Variants in CDH4 observed in about 807,000 individuals in gnomAD.
The protein encoded by CDH4 is cadherin 4.
In CDH4, 33 loss-of-function variants were observed where a neutral mutation model predicts 86.0. The observed-to-expected ratio is 0.38, with a 90% CI of 0.29 to 0.51. The LOEUF (loss-of-function observed/expected upper bound fraction) is 0.51, where lower values mean the gene tolerates loss of function less well. Among genes scored for constraint, CDH4 ranks in the 20% least tolerant of loss-of-function variants. The probability of loss-of-function intolerance (pLI) is 0.86; values close to 1 mark genes in which losing one functional copy is unlikely to be tolerated. For missense variants in CDH4, 1,114 were observed against 1,307.4 expected, an observed-to-expected ratio of 0.85 and a Z score of 2.28; for synonymous variants, 555 against 549.4, an observed-to-expected ratio of 1.01 and a Z score of -0.14.
At chr20:61,359,899 G>A (rs145358653) in intron 2 of CDH4, among the ~76,000 whole-genome samples, 1,570 of 152,306 alleles carry the variant, frequency 0.01, 19 homozygotes, top group Admixed American at 0.02. Context: ...GGCAACAGAT[G>A]AAACAAATCT....
chr20:61,337,742 A>G (rs1600879308), intron 2 of CDH4, among the ~76,000 whole-genome samples: 1 of 152,102 alleles, frequency 6.6e-6, no homozygotes, highest in East Asian at 1.9e-4. Flanking sequence ...ATAATCTGTA[A>G]GATTTCTATT....
intron 7 of CDH4, among the ~76,000 whole-genome samples, chr20:61,876,332 C>A (rs978855522): frequency 1.3e-5 from 2 of 152,250 alleles, no homozygotes; most frequent in Admixed American, 6.5e-5. Context: ...TGGGGCCTCG[C>A]CGTCCAGTCC....
At chr20:61,595,275 G>A (rs897925349) in intron 2 of CDH4, among the ~76,000 whole-genome samples, 3 of 152,228 alleles carry the variant, frequency 2.0e-5, no homozygotes, top group Non-Finnish European at 4.4e-5. Flanking sequence ...ACCTGTGGGC[G>A]GGAAGGACGT....
intron 8 of CDH4, among the ~76,000 whole-genome samples, chr20:61,909,988 G>A (rs780789863): frequency 2.6e-4 from 39 of 152,390 alleles, no homozygotes; most frequent in Non-Finnish European, 5.1e-4. Context: ...CACCTGCCGG[G>A]CAGGTCTGCA....
intron 2 of CDH4, among the ~76,000 whole-genome samples, chr20:61,281,012 T>C (rs2084255702): frequency 6.6e-6 from 1 of 152,332 alleles, no homozygotes; most frequent in African/African-American, 2.4e-5. Flanking sequence ...GTTTCCCATT[T>C]AAGTTATGAG....
chr20:61,586,676 G>C (rs2086478463), intron 2 of CDH4, among the ~76,000 whole-genome samples: 1 of 152,124 alleles, frequency 6.6e-6, no homozygotes, highest in African/African-American at 2.4e-5. Flanking sequence ...ACTTTACCAG[G>C]GTTGCTCAGC....
chr20:61,698,293 G>A (rs779075688), intron 2 of CDH4, among the ~76,000 whole-genome samples: 2 of 152,222 alleles, frequency 1.3e-5, no homozygotes, highest in Admixed American at 6.5e-5. Flanking sequence ...CCCCAGATCC[G>A]TCCTGCTGGT....
chr20:61,798,472 G>A (rs1356857530), intron 4 of CDH4, among the ~76,000 whole-genome samples: 1 of 152,192 alleles, frequency 6.6e-6, no homozygotes, highest in Non-Finnish European at 1.5e-5. Context: ...CGTGGCCCCG[G>A]GGTGCATCGC....
At chr20:61,871,640 G>C (rs1444519635) in intron 6 of CDH4, among the ~76,000 whole-genome samples, 1 of 152,134 alleles carries the variant, frequency 6.6e-6, no homozygotes, top group African/African-American at 2.4e-5. Context: ...AGGGGAGTAT[G>C]GTTGGGACCA....
chr20:61,371,432 T>C (rs1270557187), intron 2 of CDH4, among the ~76,000 whole-genome samples: 1 of 152,204 alleles, frequency 6.6e-6, no homozygotes, highest in East Asian at 1.9e-4. Flanking sequence ...AGGTAAGAAG[T>C]GTCAGACGCT....
intron 4 of CDH4, among the ~76,000 whole-genome samples, chr20:61,830,133 T>C (rs1037868077): frequency 2.4e-5 from 3 of 122,516 alleles, no homozygotes; most frequent in Non-Finnish European, 3.3e-5. Context: ...CCCGTTCATG[T>C]GACCCAGATC....
chr20:61,907,519 C>A (rs2054803456), intron 8 of CDH4, among the ~76,000 whole-genome samples: 3 of 152,212 alleles, frequency 2.0e-5, no homozygotes, highest in Admixed American at 2.0e-4. Flanking sequence ...CCCCTGCTAT[C>A]CCCCAGTAGG....
intron 9 of CDH4, among the ~76,000 whole-genome samples, chr20:61,918,630 G>A (rs2054931409): frequency 6.6e-6 from 1 of 152,112 alleles, no homozygotes; most frequent in African/African-American, 2.4e-5. Context: ...TCCTTCAGAG[G>A]GACAAGGAGA....
chr20:61,887,914 C>T (rs1309992974), intron 7 of CDH4, among the ~76,000 whole-genome samples: 7 of 152,118 alleles, frequency 4.6e-5, no homozygotes, highest in Admixed American at 1.3e-4. Flanking sequence ...CGAGGGGGGC[C>T]GGTGCAGGCA....
At chr20:61,668,926 G>A (rs933526419) in intron 2 of CDH4, among the ~76,000 whole-genome samples, 15 of 152,316 alleles carry the variant, frequency 9.8e-5, no homozygotes, top group Admixed American at 3.9e-4. Flanking sequence ...TCAGAGCACC[G>A]TCCGCCAGCC....
At chr20:61,412,648 C>G (rs1271554440) in intron 2 of CDH4, among the ~76,000 whole-genome samples, 1 of 152,178 alleles carries the variant, frequency 6.6e-6, no homozygotes, top group Non-Finnish European at 1.5e-5. Flanking sequence ...ATGGGCCCAG[C>G]CCCACCTTCC....
intron 2 of CDH4, among the ~76,000 whole-genome samples, chr20:61,456,648 G>T (rs979553826): frequency 1.3e-5 from 2 of 152,206 alleles, no homozygotes; most frequent in South Asian, 4.1e-4. Context: ...GTGCATAACT[G>T]ATCTTTGGAA....
At chr20:61,837,740 G>A (rs73917533) in intron 4 of CDH4, among the ~76,000 whole-genome samples, 5,128 of 138,750 alleles carry the variant, frequency 0.037, 139 homozygotes, top group African/African-American at 0.086. Flanking sequence ...CAGCGACGCC[G>A]TTGTGAGGGG....
intron 2 of CDH4, among the ~76,000 whole-genome samples, chr20:61,713,903 C>G (rs1409139306): frequency 6.6e-6 from 1 of 152,200 alleles, no homozygotes; most frequent in African/African-American, 2.4e-5. Context: ...CCATGCTCAG[C>G]TTTCCCCGTG....
Sources: allele counts gnomAD v4.1 joint callset (sites outside exome capture counted in the v4.1 genomes callset), GRCh38; gene constraint gnomAD v4.1.1; transcripts MANE v1.5; gene names NCBI Gene and HGNC (gene_info 2026-07-23, HGNC 2026-07-21).